PHKB: variants seen among roughly 807,000 people sequenced by gnomAD.
PHKB encodes phosphorylase kinase regulatory subunit beta, also known as phosphorylase b kinase regulatory subunit beta.
A neutral mutation model predicts 152.1 loss-of-function variants in PHKB; 122 were observed. The observed-to-expected ratio is 0.80, with a 90% confidence interval of 0.69 to 0.93. The LOEUF is 0.93. Among genes scored for constraint, PHKB ranks in the 40% least tolerant of loss-of-function variants. PHKB has a pLI of 0.00. For missense variants in PHKB, 1,304 were observed against 1,328.4 expected (o/e 0.98, Z 0.29); for synonymous variants, 436 against 464.9 (o/e 0.94, Z 0.80).
chr16:47,580,348 TTGG>T lies in PHKB; in HGVS notation c.765_767del (p.Gly256del), dbSNP rs1312145405. On this transcript the variant is annotated inframe_deletion, in exon 8 of 31. Coordinates refer to ENST00000323584, the MANE Select transcript of PHKB (RefSeq NM_000293.3). ...GAAGCAATTAATGGATTCAACCTTT[TTGG>T]CAACCAGGTAAAAAATAAGACCCCC... is the stretch of plus-strand genomic sequence containing the variant. 6.2e-7 allele frequency: 1 copy of T among 1,611,038 alleles called. No homozygotes were observed. The highest frequency in any genetic ancestry group is 2.2e-5 in the East Asian group (1 of 44,724).
intron 26 of PHKB, among the ~76,000 whole-genome samples, chr16:47,682,157 TG>T (rs1274576530): frequency 6.6e-6 from 1 of 152,232 alleles, no homozygotes; most frequent in Non-Finnish European, 1.5e-5. Flanking sequence ...CTTCCCTTTG[TG>T]GGTTACCCGA....
intron 1 of PHKB, among the ~76,000 whole-genome samples, chr16:47,467,619 T>C (rs376315560): frequency 6.6e-6 from 1 of 152,206 alleles, no homozygotes; most frequent in African/African-American, 2.4e-5. Context: ...TGTAATCTTA[T>C]AAGATTTAGG....
At chr16:47,491,266 T>A (rs1970145835) in intron 1 of PHKB, among the ~76,000 whole-genome samples, 1 of 152,120 alleles carries the variant, frequency 6.6e-6, no homozygotes, top group Non-Finnish European at 1.5e-5. Context: ...ATATGTCCCT[T>A]ACAGACATAT....
intron 9 of PHKB, 89 bp from the exon 10 acceptor site, chr16:47,588,816 C>A: frequency 1.8e-6 from 2 of 1,116,872 alleles, no homozygotes; most frequent in South Asian, 2.5e-5. Context: ...TGCATAACCT[C>A]ACTGGCTTTT....
At chr16:47,515,313 A>G (rs899203708) in intron 5 of PHKB, among the ~76,000 whole-genome samples, 2 of 152,250 alleles carry the variant, frequency 1.3e-5, no homozygotes, top group South Asian at 2.1e-4. Context: ...GTTATCCATT[A>G]CAATGAATTT....
chr16:47,580,185 T>G, intron 7 of PHKB, 110 bp from the exon 8 acceptor site: 1 of 798,598 alleles, frequency 1.3e-6, no homozygotes, highest in Non-Finnish European at 2.2e-6. Flanking sequence ...CTTACAGAAG[T>G]TGTTATAAAT....
At chr16:47,558,946 C>G (rs1597085034) in intron 7 of PHKB, among the ~76,000 whole-genome samples, 1 of 152,324 alleles carries the variant, frequency 6.6e-6, no homozygotes, top group African/African-American at 2.4e-5. Flanking sequence ...GGACTGGCTA[C>G]ATTGTGTTTC....
chr16:47,487,461 T>C (rs941367541), intron 1 of PHKB, among the ~76,000 whole-genome samples: 5 of 151,824 alleles, frequency 3.3e-5, no homozygotes, highest in African/African-American at 1.2e-4. Context: ...TTATTTTAGG[T>C]TGAGGGAGTA....
chr16:47,572,841 A>G (rs577579595), intron 7 of PHKB, among the ~76,000 whole-genome samples: 2 of 152,302 alleles, frequency 1.3e-5, no homozygotes, highest in African/African-American at 4.8e-5. Flanking sequence ...AGGTCATGCA[A>G]AAGTTTTCTC....
chr16:47,557,316 G>T (rs1225681073), intron 7 of PHKB, among the ~76,000 whole-genome samples: 5 of 152,182 alleles, frequency 3.3e-5, no homozygotes, highest in Admixed American at 6.5e-5. Context: ...TCAGGACATA[G>T]GCATGGGCAA....
chr16:47,652,616 GTTGT>G (rs1280230035), intron 20 of PHKB, among the ~76,000 whole-genome samples: 2 of 151,616 alleles, frequency 1.3e-5, no homozygotes, highest in African/African-American at 4.8e-5. Flanking sequence ...CTCGTTGTGG[GTTGT>G]TTTTTTTGTT....
At chr16:47,562,474 TGTTGA>T (rs1471543461) in intron 7 of PHKB, 1 of 152,248 alleles carries the variant, frequency 6.6e-6, no homozygotes, top group Non-Finnish European at 1.5e-5. Context: ...CTCCAGCCTC[TGTTGA>T]GTTGAGAATC....
chr16:47,634,651 A>G (rs1972885353), intron 14 of PHKB, among the ~76,000 whole-genome samples: 1 of 152,176 alleles, frequency 6.6e-6, no homozygotes, highest in Non-Finnish European at 1.5e-5. Context: ...ATGACCAGAG[A>G]GCATTCATTC....
chr16:47,683,290 C>T (rs1973897940), intron 26 of PHKB, among the ~76,000 whole-genome samples: 1 of 152,248 alleles, frequency 6.6e-6, no homozygotes, highest in South Asian at 2.1e-4. Flanking sequence ...CTCTTCAAAG[C>T]TGTCAGACGG....
chr16:47,507,748 A>G (rs777237036), intron 4 of PHKB, among the ~76,000 whole-genome samples: 4 of 152,194 alleles, frequency 2.6e-5, no homozygotes, highest in African/African-American at 9.7e-5. Context: ...TAAATATGAA[A>G]TGTAAGGAGT....
At chr16:47,676,870 C>CT (rs1567352060) in intron 26 of PHKB, among the ~76,000 whole-genome samples, 1 of 152,214 alleles carries the variant, frequency 6.6e-6, no homozygotes, top group African/African-American at 2.4e-5. Flanking sequence ...TGCTGCAGGT[C>CT]TGTCAGTCAA....
intron 7 of PHKB, among the ~76,000 whole-genome samples, chr16:47,563,812 AC>A (rs1971517155): frequency 1.3e-5 from 2 of 151,556 alleles, no homozygotes; most frequent in African/African-American, 4.9e-5. Flanking sequence ...GCCCCCTCTC[AC>A]CCTCCAGTCT....
chr16:47,678,012 A>G (rs545406574), intron 26 of PHKB, among the ~76,000 whole-genome samples: 2 of 149,794 alleles, frequency 1.3e-5, no homozygotes, highest in Non-Finnish European at 3.0e-5. Flanking sequence ...GAGTGAGAAC[A>G]TGCGGTGTTT....
chr16:47,633,345 A>G (rs1972860546), intron 14 of PHKB, among the ~76,000 whole-genome samples: 2 of 152,218 alleles, frequency 1.3e-5, no homozygotes, highest in African/African-American at 2.4e-5. Flanking sequence ...CAAACCGTCA[A>G]ATGAATAACA....
Sources: gnomAD v4.1 joint callset for allele counts (sites outside exome capture counted in the v4.1 genomes callset) on GRCh38, gnomAD v4.1.1 for gene constraint, MANE v1.5 for transcripts, NCBI Gene and HGNC (gene_info 2026-07-23, HGNC 2026-07-21) for gene names.